The following FOXN3 variants were observed in gnomAD, a reference collection of about 807,000 sequenced individuals.
The protein encoded by FOXN3 is forkhead box protein N3.
A neutral mutation model predicts 38.4 loss-of-function variants in FOXN3; 7 were observed. That is an observed-to-expected ratio of 0.18 (90% confidence interval 0.10 to 0.34). The LOEUF (loss-of-function observed/expected upper bound fraction) is 0.34. FOXN3 is among the 10% of genes least tolerant of loss of function. The pLI, the probability that FOXN3 is intolerant of heterozygous loss-of-function variation, is 1.00. For missense variants in FOXN3, 456 were observed against 613.4 expected (o/e 0.74, Z 2.71); for synonymous variants, 230 against 242.2 (o/e 0.95, Z 0.47).
intron 1 of FOXN3, among the ~76,000 whole-genome samples, chr14:89,466,793 C>G (rs1392737184): frequency 1.3e-5 from 2 of 152,182 alleles, no homozygotes; most frequent in Non-Finnish European, 2.9e-5. Context: ...ACATTTCTCT[C>G]GAGGGTTTTC....
intron 3 of FOXN3, among the ~76,000 whole-genome samples, chr14:89,294,602 C>G (rs191695742): frequency 6.6e-6 from 1 of 152,094 alleles, no homozygotes; most frequent in Non-Finnish European, 1.5e-5. Flanking sequence ...AAAGACCTTG[C>G]GGATAAAACA....
intron 3 of FOXN3, among the ~76,000 whole-genome samples, chr14:89,313,945 A>T (rs1265410532): frequency 6.6e-6 from 1 of 152,196 alleles, no homozygotes; most frequent in Non-Finnish European, 1.5e-5. Context: ...AAATTCGTAG[A>T]AACAGAAAGT....
At chr14:89,255,927 T>C (rs965438238) in intron 4 of FOXN3, among the ~76,000 whole-genome samples, 9 of 152,074 alleles carry the variant, frequency 5.9e-5, no homozygotes, top group African/African-American at 1.9e-4. Flanking sequence ...TCTCACACTT[T>C]CGTTTTTTGC....
intron 1 of FOXN3, among the ~76,000 whole-genome samples, chr14:89,607,225 C>T (rs749709912): frequency 2.0e-5 from 3 of 152,072 alleles, no homozygotes; most frequent in Non-Finnish European, 4.4e-5. Flanking sequence ...CTGTTGTGGC[C>T]AGCAGAGAGG....
intron 1 of FOXN3, among the ~76,000 whole-genome samples, chr14:89,588,427 G>C (rs1895888813): frequency 6.6e-6 from 1 of 152,164 alleles, no homozygotes; most frequent in African/African-American, 2.4e-5. Context: ...TAAAAATTCA[G>C]CAATGGGTGT....
chr14:89,287,421 G>T (rs1319829665), intron 3 of FOXN3, among the ~76,000 whole-genome samples: 2 of 152,086 alleles, frequency 1.3e-5, no homozygotes, highest in Non-Finnish European at 2.9e-5. Flanking sequence ...CAGAGTGCTG[G>T]GATTACAGGT....
chr14:89,529,697 ATAT>A (rs201874090), intron 1 of FOXN3, among the ~76,000 whole-genome samples: 10,412 of 152,192 alleles, frequency 0.068, 498 homozygotes, highest in South Asian at 0.23. Flanking sequence ...TATTGCAGAA[ATAT>A]TGTTGTTGTT....
chr14:89,613,203 C>A (rs1382031993), intron 1 of FOXN3, among the ~76,000 whole-genome samples: 1 of 151,688 alleles, frequency 6.6e-6, no homozygotes, highest in Non-Finnish European at 1.5e-5. Flanking sequence ...CAAGTGGGAC[C>A]TGCTACTCTC....
intron 1 of FOXN3, among the ~76,000 whole-genome samples, chr14:89,442,812 C>T (rs1222120263): frequency 6.6e-6 from 1 of 151,796 alleles, no homozygotes; most frequent in Non-Finnish European, 1.5e-5. Context: ...GTAATTTACA[C>T]ATTAGCCTAC....
At chr14:89,239,375 G>C (rs900629270) in intron 4 of FOXN3, among the ~76,000 whole-genome samples, 1 of 152,190 alleles carries the variant, frequency 6.6e-6, no homozygotes, top group African/African-American at 2.4e-5. Context: ...ATTTCTTGGA[G>C]GGGGGAGGAG....
intron 3 of FOXN3, among the ~76,000 whole-genome samples, chr14:89,327,812 T>C (rs1176778120): frequency 6.6e-6 from 1 of 152,164 alleles, no homozygotes; most frequent in Non-Finnish European, 1.5e-5. Context: ...TCTTTAAACA[T>C]TATAATAAGC....
At chr14:89,368,158 G>A (rs1334880210) in intron 2 of FOXN3, among the ~76,000 whole-genome samples, 5 of 150,332 alleles carry the variant, frequency 3.3e-5, no homozygotes, top group Non-Finnish European at 5.9e-5. Flanking sequence ...GTGAAACCCC[G>A]TCTCTACTAA....
chr14:89,464,267 A>G (rs1892923605), intron 1 of FOXN3, among the ~76,000 whole-genome samples: 1 of 152,150 alleles, frequency 6.6e-6, no homozygotes, highest in South Asian at 2.1e-4. Context: ...CCCATTTCCT[A>G]GACCTGGGAG....
At chr14:89,241,443 A>T (rs1207360086) in intron 4 of FOXN3, among the ~76,000 whole-genome samples, 1 of 152,154 alleles carries the variant, frequency 6.6e-6, no homozygotes, top group Non-Finnish European at 1.5e-5. Context: ...TGAATGAGAC[A>T]GACACACGTG....
chr14:89,488,897 G>C (rs1893510196), intron 1 of FOXN3, among the ~76,000 whole-genome samples: 1 of 152,176 alleles, frequency 6.6e-6, no homozygotes, highest in Admixed American at 6.5e-5. Context: ...CTCAAGTTGA[G>C]AGGGGTATGA....
chr14:89,212,961 A>G (rs1292911238), intron 4 of FOXN3, among the ~76,000 whole-genome samples: 1 of 152,200 alleles, frequency 6.6e-6, no homozygotes, highest in Non-Finnish European at 1.5e-5. Flanking sequence ...TCAAAAAGCC[A>G]CTCAAAGGCA....
chr14:89,432,509 TC>T (rs1892180352), intron 1 of FOXN3, among the ~76,000 whole-genome samples: 1 of 152,166 alleles, frequency 6.6e-6, no homozygotes, highest in Admixed American at 6.5e-5. Flanking sequence ...ATTCCATCTT[TC>T]CACCACCCTT....
chr14:89,616,753 T>C (rs1186287679), intron 1 of FOXN3, among the ~76,000 whole-genome samples: 1 of 152,238 alleles, frequency 6.6e-6, no homozygotes, highest in African/African-American at 2.4e-5. Flanking sequence ...AGTGTTCAAA[T>C]ACATTGTTCT....
At chr14:89,480,264 G>A (rs1057459992) in intron 1 of FOXN3, among the ~76,000 whole-genome samples, 7 of 152,090 alleles carry the variant, frequency 4.6e-5, no homozygotes, top group South Asian at 2.1e-4. Context: ...TTAGCCAGGC[G>A]TGGTGGCGGG....
Sources: allele counts gnomAD v4.1 joint callset (sites outside exome capture counted in the v4.1 genomes callset), GRCh38; gene constraint gnomAD v4.1.1; transcripts MANE v1.5; gene names NCBI Gene and HGNC (gene_info 2026-07-23, HGNC 2026-07-21).